Variants in ZNF385D observed in about 807,000 individuals in gnomAD.
The protein encoded by ZNF385D is zinc finger protein 385D, also known as zinc finger protein 659.
Under a neutral mutation model 35.8 loss-of-function variants are expected in ZNF385D, and 15 were observed. That is an observed-to-expected ratio of 0.42 (90% CI 0.28 to 0.64). The LOEUF is 0.64. ZNF385D is among the 30% of genes least tolerant of loss of function. ZNF385D has a pLI of 0.23. For synonymous variants in ZNF385D, 212 were observed against 186.8 expected (o/e 1.13, Z -1.10); for missense variants, 474 against 494.6 (o/e 0.96, Z 0.39).
intron 3 of ZNF385D, among the ~76,000 whole-genome samples, chr3:21,761,608 C>G (rs1021396748): frequency 6.6e-6 from 1 of 152,032 alleles, no homozygotes; most frequent in African/African-American, 2.4e-5. Flanking sequence ...AATACAGTCT[C>G]ATAGGATGGG....
chr3:22,109,904 C>T (rs1003372427), intron 3 of ZNF385D, among the ~76,000 whole-genome samples: 1 of 152,150 alleles, frequency 6.6e-6, no homozygotes, highest in East Asian at 1.9e-4. Context: ...ACTCATCTGA[C>T]AAATATCCAG....
chr3:21,911,430 C>G (rs1197827969), intron 3 of ZNF385D, among the ~76,000 whole-genome samples: 1 of 151,992 alleles, frequency 6.6e-6, no homozygotes, highest in South Asian at 2.1e-4. Context: ...GAGAAATGAG[C>G]TCATATTCTT....
intron 1 of ZNF385D, among the ~76,000 whole-genome samples, chr3:21,728,338 C>G (rs2068853825): frequency 6.6e-6 from 1 of 151,218 alleles, no homozygotes; most frequent in Non-Finnish European, 1.5e-5. Context: ...CTAAAATGTA[C>G]AACAAATATG....
chr3:21,713,758 A>G (rs1432741658), intron 1 of ZNF385D, among the ~76,000 whole-genome samples: 3 of 152,226 alleles, frequency 2.0e-5, no homozygotes, highest in Admixed American at 2.0e-4. Context: ...CCCTACCCAT[A>G]CCACCCAGTC....
intron 2 of ZNF385D, among the ~76,000 whole-genome samples, chr3:22,333,709 T>C (rs1695039131): frequency 1.3e-5 from 2 of 152,182 alleles, no homozygotes; most frequent in African/African-American, 4.8e-5. Flanking sequence ...ATTTTTATAA[T>C]AGCTGCCACT....
intron 3 of ZNF385D, among the ~76,000 whole-genome samples, chr3:21,528,263 G>GA (rs374884736): frequency 0.036 from 5,395 of 151,164 alleles, 224 homozygotes; most frequent in Non-Finnish European, 0.04. Flanking sequence ...AAACTAAATA[G>GA]AAAAAAAAAT....
intron 3 of ZNF385D, among the ~76,000 whole-genome samples, chr3:22,022,966 A>C (rs895016382): frequency 1.3e-5 from 2 of 152,156 alleles, no homozygotes; most frequent in African/African-American, 4.8e-5. Flanking sequence ...GAAAATAAAA[A>C]TTGGGAGTCT....
chr3:22,267,547 T>C (rs1293892037), intron 2 of ZNF385D, among the ~76,000 whole-genome samples: 6 of 151,908 alleles, frequency 3.9e-5, no homozygotes, highest in African/African-American at 1.2e-4. Context: ...GTCAAATCAA[T>C]ATTTCTCAGT....
intron 3 of ZNF385D, among the ~76,000 whole-genome samples, chr3:21,901,382 G>A (rs1241064697): frequency 6.6e-6 from 1 of 152,104 alleles, no homozygotes; most frequent in East Asian, 1.9e-4. Flanking sequence ...CATATAGAAA[G>A]CTGAGAATTA....
chr3:21,599,171 C>G (rs1304868138), intron 2 of ZNF385D, among the ~76,000 whole-genome samples: 1 of 152,180 alleles, frequency 6.6e-6, no homozygotes, highest in African/African-American at 2.4e-5. Context: ...ATCCAGTCCT[C>G]TCGGCAAACA....
intron 3 of ZNF385D, among the ~76,000 whole-genome samples, chr3:21,960,740 T>G (rs1702542279): frequency 6.6e-6 from 1 of 152,018 alleles, no homozygotes; most frequent in Non-Finnish European, 1.5e-5. Flanking sequence ...ATATACACAA[T>G]GGAATACTAT....
intron 1 of ZNF385D, among the ~76,000 whole-genome samples, chr3:21,666,668 G>A (rs2066417665): frequency 6.6e-6 from 1 of 152,004 alleles, no homozygotes; most frequent in African/African-American, 2.4e-5. Flanking sequence ...TTTTAGAGAG[G>A]GCATCCATAA....
intron 4 of ZNF385D, among the ~76,000 whole-genome samples, chr3:21,488,346 G>C (rs199951648): frequency 1.0e-3 from 153 of 150,724 alleles, no homozygotes; most frequent in African/African-American, 3.4e-3. Context: ...CAGACACACA[G>C]ACACACACAC....
At chr3:21,858,991 A>G (rs1224000767) in intron 3 of ZNF385D, among the ~76,000 whole-genome samples, 1 of 152,110 alleles carries the variant, frequency 6.6e-6, no homozygotes, top group Non-Finnish European at 1.5e-5. Flanking sequence ...GATATCATGA[A>G]GCTAGAATAG....
chr3:21,478,478 C>T (rs996960728), intron 4 of ZNF385D, among the ~76,000 whole-genome samples: 1 of 152,106 alleles, frequency 6.6e-6, no homozygotes, highest in Non-Finnish European at 1.5e-5. Flanking sequence ...CCCAGATACA[C>T]CTGTTCCATT....
chr3:22,206,007 C>A (rs1243327338), intron 2 of ZNF385D, among the ~76,000 whole-genome samples: 8 of 151,620 alleles, frequency 5.3e-5, no homozygotes, highest in Non-Finnish European at 7.4e-5. Flanking sequence ...TTGCCATATA[C>A]AAAAATCAAA....
chr3:21,932,409 T>C (rs1285367771), intron 3 of ZNF385D, among the ~76,000 whole-genome samples: 1 of 150,216 alleles, frequency 6.7e-6, no homozygotes, highest in Admixed American at 6.6e-5. Flanking sequence ...AATATGGGGA[T>C]AGATTTTTTT....
chr3:22,231,002 T>C (rs747695146), intron 2 of ZNF385D, among the ~76,000 whole-genome samples: 1 of 151,846 alleles, frequency 6.6e-6, no homozygotes, highest in South Asian at 2.1e-4. Context: ...CTCTTGGATA[T>C]ACATTTTATT....
intron 3 of ZNF385D, among the ~76,000 whole-genome samples, chr3:21,842,771 A>G (rs1695759622): frequency 6.6e-6 from 1 of 152,062 alleles, no homozygotes; most frequent in Non-Finnish European, 1.5e-5. Context: ...GGTTAATTCT[A>G]CCTTTGATTT....
Sources: allele counts gnomAD v4.1 joint callset (sites outside exome capture counted in the v4.1 genomes callset), GRCh38; gene constraint gnomAD v4.1.1; transcripts MANE v1.5; gene names NCBI Gene and HGNC (gene_info 2026-07-23, HGNC 2026-07-21).